MSRA: variants seen among roughly 807,000 people sequenced by gnomAD.
The protein encoded by MSRA is methionine sulfoxide reductase A, also known as mitochondrial peptide methionine sulfoxide reductase.
In MSRA, 54 loss-of-function variants were observed where a neutral mutation model predicts 31.3. That is an observed-to-expected ratio of 1.73 (90% CI 1.39 to 2.17). MSRA has a LOEUF of 2.17. Ranked by LOEUF, MSRA falls within the 30% of genes most tolerant of loss-of-function variation. The pLI, the probability that MSRA is intolerant of heterozygous loss-of-function variation, is 0.00. For missense variants in MSRA, 507 were observed against 300.9 expected (o/e 1.69, Z -5.07); for synonymous variants, 169 against 116.5 (o/e 1.45, Z -2.90).
intron 1 of MSRA, among the ~76,000 whole-genome samples, chr8:10,094,763 A>C (rs1034661348): frequency 4.6e-5 from 7 of 152,250 alleles, no homozygotes; most frequent in African/African-American, 1.7e-4. Flanking sequence ...TTATGTTAAA[A>C]ATAAAAGCAA....
At chr8:10,397,118 A>G (rs1024374054) in intron 5 of MSRA, among the ~76,000 whole-genome samples, 14 of 152,338 alleles carry the variant, frequency 9.2e-5, no homozygotes, top group Admixed American at 1.3e-4. Context: ...ATAGGACTCT[A>G]TGATCCGCAG....
At chr8:10,190,677 C>T (rs1040611790) in intron 1 of MSRA, among the ~76,000 whole-genome samples, 10 of 152,330 alleles carry the variant, frequency 6.6e-5, no homozygotes, top group African/African-American at 2.4e-4. Context: ...TTATATTAGA[C>T]TTTCCATTAA....
chr8:10,145,259 A>G (rs1427877299), intron 1 of MSRA, among the ~76,000 whole-genome samples: 5 of 152,212 alleles, frequency 3.3e-5, no homozygotes, highest in Admixed American at 3.3e-4. Context: ...CTTAAGACAA[A>G]CAATAGGAAT....
chr8:10,358,167 G>A (rs557354918), intron 5 of MSRA, among the ~76,000 whole-genome samples: 4 of 152,268 alleles, frequency 2.6e-5, no homozygotes, highest in South Asian at 2.1e-4. Context: ...GCCCCCGGGT[G>A]ATCTGTCCAC....
At chr8:10,249,183 G>T (rs2129085051) in intron 3 of MSRA, among the ~76,000 whole-genome samples, 1 of 152,224 alleles carries the variant, frequency 6.6e-6, no homozygotes, top group African/African-American at 2.4e-5. Context: ...CTAATCTTTT[G>T]TCCTCCTGTG....
intron 1 of MSRA, among the ~76,000 whole-genome samples, chr8:10,180,108 C>G (rs1257143866): frequency 6.6e-6 from 1 of 152,192 alleles, no homozygotes; most frequent in East Asian, 1.9e-4. Context: ...CTTCAGATGC[C>G]AATTGCAAGT....
At chr8:10,242,582 T>C (rs1439242685) in intron 2 of MSRA, among the ~76,000 whole-genome samples, 1 of 152,176 alleles carries the variant, frequency 6.6e-6, no homozygotes, top group Admixed American at 6.5e-5. Flanking sequence ...CAGTTTTGTT[T>C]TATAACAAAA....
At chr8:10,054,714 G>A (rs892174473) in intron 1 of MSRA, 56 bp downstream of exon 1, 1 of 1,409,220 alleles carries the variant, frequency 7.1e-7, no homozygotes, top group East Asian at 2.8e-5. Flanking sequence ...GCGCGCCTTT[G>A]CCCGGCGGCA....
chr8:10,251,925 A>G (rs1274349637), intron 3 of MSRA, among the ~76,000 whole-genome samples: 3 of 151,686 alleles, frequency 2.0e-5, no homozygotes, highest in African/African-American at 4.8e-5. Flanking sequence ...GGCCTTAACC[A>G]TCTTCCAATA....
At chr8:10,146,821 C>T (rs906842573) in intron 1 of MSRA, among the ~76,000 whole-genome samples, 5 of 152,120 alleles carry the variant, frequency 3.3e-5, no homozygotes, top group African/African-American at 9.7e-5. Flanking sequence ...TAGCGTTCAG[C>T]TGGAAGGAGA....
At position 10,251,668 on chromosome 8, in the gene MSRA, A is replaced by T. The variant is rs115078039; in HGVS notation, c.331+6445A>T. ...CCCTTAGGACCAAAGATATCTGCTC[A>T]CCCAACCATCTTCCCCACACCCACA... On this transcript the variant is annotated intron_variant, in intron 3 of 5. Transcript: ENST00000317173. Among the ~76,000 whole-genome samples, 1,333 of 152,266 alleles carry T rather than the reference A, an allele frequency of 8.8e-3. 23 individuals are homozygous for T. Among genetic ancestry groups the T allele is most frequent in the African/African-American group, 0.03 (1,266 of 41,536 alleles).
rs149195535 is a variant in MSRA at position 10,302,161 on chromosome 8, C to G, written c.436+523C>G. Among the ~76,000 whole-genome samples the G allele has an allele frequency of 2.1e-3, 326 of 152,272 alleles. 1 individual carries two copies. The highest frequency in any genetic ancestry group is 7.6e-3 in the African/African-American group (316 of 41,544). ...TGCTCATTTAAATATTTCATTTGTT[C>G]TCTTTGGAATTTGTTATGTGGAGAT... is the stretch of plus-strand genomic sequence containing the variant. On this transcript the variant is annotated intron_variant, in intron 4 of 5. Transcript: ENST00000317173.
chr8:10,189,317 A>C (rs1285053630), intron 1 of MSRA, among the ~76,000 whole-genome samples: 2 of 151,754 alleles, frequency 1.3e-5, no homozygotes, highest in African/African-American at 2.4e-5. Context: ...TCCTTCTTTC[A>C]TTTTTGTACG....
At chr8:10,152,258 CAT>C (rs1230013854) in intron 1 of MSRA, among the ~76,000 whole-genome samples, 5 of 152,108 alleles carry the variant, frequency 3.3e-5, no homozygotes, top group Admixed American at 6.5e-5. Context: ...TATATAAACA[CAT>C]GTATACGTAT....
chr8:10,277,682 A>T (rs1799396718), intron 3 of MSRA, among the ~76,000 whole-genome samples: 1 of 152,140 alleles, frequency 6.6e-6, no homozygotes, highest in South Asian at 2.1e-4. Context: ...TATATACTTA[A>T]TTGCTTATCA....
chr8:10,274,076 G>T lies in MSRA; in HGVS notation c.332-27458G>T, dbSNP rs1263163385. Among the ~76,000 whole-genome samples the T allele has an allele frequency of 2.6e-5, 4 of 152,176 alleles. No homozygotes were observed. In the East Asian group the frequency reaches 5.8e-4, roughly 22 times the overall value. On this transcript the variant is annotated intron_variant, in intron 3 of 5. Coordinates refer to ENST00000317173, the MANE Select transcript of MSRA (RefSeq NM_012331.5). ...CCTCCGGCGCCCTCTACTGACAGGG[G>T]TTAGCATCAAGGCATCTGGCAAAGG... is the stretch of plus-strand genomic sequence containing the variant.
intron 5 of MSRA, among the ~76,000 whole-genome samples, chr8:10,385,290 G>C (rs1422800864): frequency 6.6e-6 from 1 of 152,184 alleles, no homozygotes; most frequent in Non-Finnish European, 1.5e-5. Flanking sequence ...AAGTTGGGGG[G>C]ATTCAGGTTA....
At chr8:10,168,968 C>G (rs1448595369) in intron 1 of MSRA, among the ~76,000 whole-genome samples, 2 of 152,222 alleles carry the variant, frequency 1.3e-5, no homozygotes, top group Non-Finnish European at 2.9e-5. Flanking sequence ...TTACTAATCA[C>G]TATGAGGCAC....
intron 1 of MSRA, among the ~76,000 whole-genome samples, chr8:10,108,859 C>T (rs1045250684): frequency 6.6e-6 from 1 of 152,068 alleles, no homozygotes; most frequent in Admixed American, 6.5e-5. Context: ...AACATAAAAG[C>T]AGCCCAGAGC....
Sources: gnomAD v4.1 joint callset for allele counts (sites outside exome capture counted in the v4.1 genomes callset) on GRCh38, gnomAD v4.1.1 for gene constraint, MANE v1.5 for transcripts, NCBI Gene and HGNC (gene_info 2026-07-23, HGNC 2026-07-21) for gene names.